The following AGBL4 variants were observed in gnomAD, a reference collection of about 807,000 sequenced individuals.
AGBL4 encodes the protein AGBL carboxypeptidase 4.
In AGBL4, 58 loss-of-function variants were observed where a neutral mutation model predicts 66.4. That is an observed-to-expected ratio of 0.87 (90% CI 0.71 to 1.09). The LOEUF (loss-of-function observed/expected upper bound fraction) is 1.09. Among genes scored for constraint, AGBL4 ranks in the 50% least tolerant of loss-of-function variants. The pLI is 0.00. For missense variants in AGBL4, 579 were observed against 631.0 expected, an observed-to-expected ratio of 0.92 and a Z score of 0.88; for synonymous variants, 234 against 222.9, an observed-to-expected ratio of 1.05 and a Z score of -0.44.
chr1:49,703,190 T>C (rs538358927), intron 2 of AGBL4, among the ~76,000 whole-genome samples: 1 of 149,138 alleles, frequency 6.7e-6, no homozygotes, highest in East Asian at 2.0e-4. Flanking sequence ...ACCTAAGGAA[T>C]CCACATACCA....
At chr1:49,063,480 TA>T (rs1644438112) in intron 4 of AGBL4, among the ~76,000 whole-genome samples, 23 of 152,336 alleles carry the variant, frequency 1.5e-4, no homozygotes, top group Admixed American at 7.2e-4. Context: ...CACTGGAGTT[TA>T]GAAGCAGAGC....
At position 48,533,969 on chromosome 1, in the gene AGBL4, G is replaced by C; in HGVS notation, c.*204C>G. On this transcript the variant is annotated 3_prime_UTR_variant, in exon 14 of 14. Transcript: ENST00000371839. ...TTCCGATCTCCTATTTTGTTCCTGA[G>C]CTTTTTGAGCTGAAGGCTTACAATT... The C allele has an allele frequency of 1.3e-6, 1 of 778,704 alleles. No homozygotes were observed. Among genetic ancestry groups the C allele is most frequent in the Non-Finnish European group, 2.0e-6 (1 of 490,128 alleles). 48.2% of individuals were successfully genotyped at this position (778,704 alleles called of 1,614,324 possible). A position where few individuals can be genotyped will look rare whatever the true frequency, so the allele number is the denominator to read the frequency against.
rs180704873 is a variant in AGBL4 at position 49,740,427 on chromosome 1, G to T, written c.158-42990C>A. Among the ~76,000 whole-genome samples the T allele has an allele frequency of 2.4e-4, 36 of 152,026 alleles. 1 individual carries two copies. In the South Asian group the frequency reaches 3.7e-3, roughly 16 times the overall value. On this transcript the variant is annotated intron_variant, in intron 2 of 13. Transcript: ENST00000371839. ...AGTCCTTAGAGACCTACAAAGAGAC[G>T]TAGACTCCCACACAATAATAATGGG...
intron 1 of AGBL4, among the ~76,000 whole-genome samples, chr1:49,988,985 C>A (rs774290757): frequency 9.2e-5 from 14 of 152,126 alleles, no homozygotes; most frequent in Non-Finnish European, 1.6e-4. Flanking sequence ...ATACTTCATG[C>A]ATAACACACA....
At chr1:48,854,072 C>A (rs1490853747) in intron 6 of AGBL4, among the ~76,000 whole-genome samples, 1 of 152,144 alleles carries the variant, frequency 6.6e-6, no homozygotes, top group Non-Finnish European at 1.5e-5. Flanking sequence ...GTCATGATTA[C>A]CTCACTTAAT....
intron 6 of AGBL4, among the ~76,000 whole-genome samples, chr1:48,802,373 A>G (rs560891525): frequency 2.5e-4 from 38 of 152,154 alleles, no homozygotes; most frequent in African/African-American, 8.9e-4. Flanking sequence ...GTCTATGCCT[A>G]CCCCATCATG....
chr1:49,154,482 C>T (rs908522266), intron 4 of AGBL4, among the ~76,000 whole-genome samples: 3 of 152,194 alleles, frequency 2.0e-5, no homozygotes. Context: ...GACCTCAACA[C>T]TGCACAAAAT....
chr1:49,059,907 G>A, intron 4 of AGBL4, among the ~76,000 whole-genome samples: 1 of 152,152 alleles, frequency 6.6e-6, no homozygotes, highest in East Asian at 1.9e-4. Flanking sequence ...GTGTATCTAG[G>A]AAGTAACTAA....
At chr1:48,857,832 C>T (rs1368520356) in intron 6 of AGBL4, among the ~76,000 whole-genome samples, 1 of 151,996 alleles carries the variant, frequency 6.6e-6, no homozygotes, top group Non-Finnish European at 1.5e-5. Context: ...GGATAAACTT[C>T]ATCAGAATTA....
chr1:48,941,270 C>G (rs1000613858), intron 5 of AGBL4, among the ~76,000 whole-genome samples: 3 of 152,122 alleles, frequency 2.0e-5, no homozygotes, highest in Admixed American at 1.3e-4. Flanking sequence ...CTTTGGAACC[C>G]AAGGTGTTTG....
At chr1:49,176,598 G>C (rs1646836530) in intron 4 of AGBL4, among the ~76,000 whole-genome samples, 1 of 152,142 alleles carries the variant, frequency 6.6e-6, no homozygotes, top group African/African-American at 2.4e-5. Context: ...CATGTTGTTT[G>C]ATAATAGAGG....
At chr1:49,005,070 C>G (rs1187537768) in intron 5 of AGBL4, among the ~76,000 whole-genome samples, 1 of 152,134 alleles carries the variant, frequency 6.6e-6, no homozygotes, top group Non-Finnish European at 1.5e-5. Flanking sequence ...GACCTTGAAC[C>G]CTGCATTTTC....
At chr1:48,971,211 C>A (rs545657853) in intron 5 of AGBL4, among the ~76,000 whole-genome samples, 12 of 152,240 alleles carry the variant, frequency 7.9e-5, no homozygotes, top group African/African-American at 2.6e-4. Flanking sequence ...ACTGCTTGAG[C>A]TCTGCCTCTT....
rs556072384 is a variant in AGBL4 at position 49,104,379 on chromosome 1, A to G, written c.378-58579T>C. 1.2e-3 allele frequency among the ~76,000 whole-genome samples: 184 copies of G among 152,236 alleles called. 2 individuals carry two copies. Among genetic ancestry groups the G allele is most frequent in the Non-Finnish European group, 2.6e-4 (18 of 68,040 alleles). On this transcript the variant is annotated intron_variant, in intron 4 of 13. Coordinates refer to ENST00000371839, the MANE Select transcript of AGBL4 (RefSeq NM_032785.4). ...TTTTATAAAAGGAATGAACATTATC[A>G]TACATTAAATAGAGAAGCAGGTACA...
intron 2 of AGBL4, among the ~76,000 whole-genome samples, chr1:49,717,558 C>A (rs897640748): frequency 6.6e-6 from 1 of 151,980 alleles, no homozygotes; most frequent in Non-Finnish European, 1.5e-5. Flanking sequence ...ATGCCAAATA[C>A]CCTTTCCTAC....
At chr1:48,925,889 C>T (rs757087379) in intron 5 of AGBL4, among the ~76,000 whole-genome samples, 16 of 152,232 alleles carry the variant, frequency 1.1e-4, no homozygotes, top group Admixed American at 1.0e-3. Context: ...CTGAGGTCTA[C>T]AAGATTTGCA....
intron 5 of AGBL4, among the ~76,000 whole-genome samples, chr1:48,961,163 G>A (rs1195592910): frequency 6.6e-6 from 1 of 152,084 alleles, no homozygotes; most frequent in Non-Finnish European, 1.5e-5. Flanking sequence ...CTAGAACACT[G>A]CAGGAACATG....
intron 2 of AGBL4, among the ~76,000 whole-genome samples, chr1:49,745,332 T>C (rs980979377): frequency 1.3e-5 from 2 of 152,052 alleles, no homozygotes; most frequent in Non-Finnish European, 2.9e-5. Flanking sequence ...TAAGCTATTT[T>C]GAGACAGAGA....
At chr1:48,608,362 G>A (rs140031723) in intron 9 of AGBL4, among the ~76,000 whole-genome samples, 5 of 152,260 alleles carry the variant, frequency 3.3e-5, no homozygotes, top group Non-Finnish European at 5.9e-5. Flanking sequence ...ATCTAGAGAC[G>A]TGTTCTTTTC....
Sources: allele counts gnomAD v4.1 joint callset (sites outside exome capture counted in the v4.1 genomes callset), GRCh38; gene constraint gnomAD v4.1.1; transcripts MANE v1.5; gene names NCBI Gene and HGNC (gene_info 2026-07-23, HGNC 2026-07-21).